The following FAM234A variants were observed in gnomAD, a reference collection of about 807,000 sequenced individuals.
The protein encoded by FAM234A is family with sequence similarity 234 member A.
Under a neutral mutation model 49.1 loss-of-function variants are expected in FAM234A, and 42 were observed. That is an observed-to-expected ratio of 0.86 (90% CI 0.67 to 1.11). FAM234A has a LOEUF of 1.11. FAM234A is among the 50% of genes least tolerant of loss of function. FAM234A has a pLI of 0.00. For missense variants in FAM234A, 815 were observed against 745.2 expected (o/e 1.09, Z -1.09); for synonymous variants, 369 against 316.2 (o/e 1.17, Z -1.77).
intron 3 of FAM234A, among the ~76,000 whole-genome samples, chr16:255,531 G>A (rs1322171976): frequency 6.6e-6 from 1 of 152,148 alleles, no homozygotes; most frequent in East Asian, 1.9e-4. Context: ...CTGTGATCGT[G>A]CCACTGCACT....
intron 1 of FAM234A, among the ~76,000 whole-genome samples, chr16:244,190 G>A (rs55985014): frequency 0.014 from 2,203 of 152,138 alleles, 47 homozygotes; most frequent in African/African-American, 0.048. Flanking sequence ...GGATGGTCTC[G>A]ATCTCCTGAC....
intron 3 of FAM234A, among the ~76,000 whole-genome samples, chr16:255,241 C>T (rs557060134): frequency 1.1e-4 from 16 of 152,194 alleles, no homozygotes; most frequent in Non-Finnish European, 2.1e-4. Flanking sequence ...CCTCCTCCCT[C>T]GGCCTCCCAA....
rs2051575439 is a variant in FAM234A, at chr16:263,697, C to T, written c.1113-3C>T. On this transcript the variant is annotated splice_region_variant and splice_polypyrimidine_tract_variant and intron_variant, in intron 9 of 12. Coordinates refer to ENST00000399932, the MANE Select transcript of FAM234A (RefSeq NM_032039.4). ...CGTGAGCGCTTCCTCCATATTGTTC[C>T]AGAAAACCCATCTTCGGCCGCTACA... is the stretch of plus-strand genomic sequence containing the variant. 1 of 1,612,840 alleles carries T rather than the reference C, an allele frequency of 6.2e-7. No individual in the cohort carries two copies.
At chr16:266,633 A>C (rs1221812373), downstream of FAM234A, among the ~76,000 whole-genome samples, 1 of 152,174 alleles carries the variant, frequency 6.6e-6, no homozygotes, top group East Asian at 1.9e-4. Flanking sequence ...ACACAGGTGT[A>C]ACCTTGTTCC....
At chr16:267,003 GC>G (rs1402753811), downstream of FAM234A, among the ~76,000 whole-genome samples, 1 of 152,130 alleles carries the variant, frequency 6.6e-6, no homozygotes, top group African/African-American at 2.4e-5. Context: ...ACCCTGAGAA[GC>G]CGGAGTTGAG....
downstream of FAM234A, among the ~76,000 whole-genome samples, chr16:266,861 T>C (rs739997): frequency 0.046 from 7,001 of 152,040 alleles, 560 homozygotes; most frequent in African/African-American, 0.16. Context: ...GAAGGTTCAC[T>C]GGGGTTGCAA....
intron 5 of FAM234A, 27 bp from the exon 6 acceptor site, chr16:261,357 G>A (rs376031368): frequency 1.0e-5 from 16 of 1,596,026 alleles, no homozygotes; most frequent in Admixed American, 6.7e-5. Flanking sequence ...TCAGGGCCAC[G>A]TTCCGTGACC....
downstream of FAM234A, chr16:269,486 G>T (rs766243099): frequency 6.2e-7 from 1 of 1,611,558 alleles, no homozygotes; most frequent in Non-Finnish European, 8.5e-7. Context: ...CGGCCACAGG[G>T]CACTGCCTGG....
At chr16:236,399 C>T (rs1023178657) in intron 1 of FAM234A, among the ~76,000 whole-genome samples, 13 of 151,586 alleles carry the variant, frequency 8.6e-5, no homozygotes, top group African/African-American at 1.9e-4. Context: ...TTGGGGTAGG[C>T]GGATCACTAG....
At chr16:268,672 G>C, downstream of FAM234A, 1 of 1,277,990 alleles carries the variant, frequency 7.8e-7, no homozygotes, top group Non-Finnish European at 1.1e-6. Context: ...CGCACCTGTG[G>C]ACAAATTCTG....
At chr16:249,924 A>G (rs13331259) in intron 2 of FAM234A, among the ~76,000 whole-genome samples, 4,266 of 151,968 alleles carry the variant, frequency 0.028, 273 homozygotes, top group African/African-American at 0.099. Flanking sequence ...AAAGGAATCT[A>G]TGTTTTATTT....
chr16:261,137 G>A (rs2051448336), intron 5 of FAM234A: 1 of 433,816 alleles, frequency 2.3e-6, no homozygotes, highest in South Asian at 3.0e-5. Context: ...GTCAGCGTTT[G>A]GCATATTGCC....
chr16:237,206 C>A (rs2050435301), intron 1 of FAM234A, among the ~76,000 whole-genome samples: 1 of 152,094 alleles, frequency 6.6e-6, no homozygotes, highest in Admixed American at 6.6e-5. Context: ...ATGCCCACCC[C>A]TTCTTTTTCT....
chr16:268,973 G>A, downstream of FAM234A: 1 of 1,538,880 alleles, frequency 6.5e-7, no homozygotes, highest in Non-Finnish European at 8.8e-7. Context: ...AGAAGGTGGA[G>A]CTCCCTGTGG....
chr16:263,426 C>T (rs775011274), intron 9 of FAM234A, 24 bp downstream of exon 9: 29 of 1,603,406 alleles, frequency 1.8e-5, no homozygotes, highest in East Asian at 8.9e-5. Flanking sequence ...CCAAGGACCG[C>T]GCAGGTGCTG....
intron 3 of FAM234A, among the ~76,000 whole-genome samples, chr16:257,396 C>G (rs1306018018): frequency 6.6e-6 from 1 of 151,614 alleles, no homozygotes; most frequent in Non-Finnish European, 1.5e-5. Context: ...CAGGTGCCCG[C>G]CTCCATGCCT....
intron 3 of FAM234A, among the ~76,000 whole-genome samples, chr16:258,155 A>ATTTTT (rs577801424): frequency 7.5e-6 from 1 of 134,082 alleles, no homozygotes. Flanking sequence ...CACCCGGCCT[A>ATTTTT]TTTTTTTTTT....
Position 265,173 on chromosome 16 carries a change from C to G in FAM234A, c.*151C>G. 2 of 1,427,470 alleles carry G rather than the reference C, an allele frequency of 1.4e-6. No homozygotes were observed. The highest frequency in any genetic ancestry group is 1.8e-6 in the Non-Finnish European group (2 of 1,094,442). 88.4% of individuals were successfully genotyped at this position (1,427,470 alleles called of 1,614,324 possible). ...GGCAGCAGCAGCCTTACCAGTCCTC[C>G]ATGATCACACCCAGGGACCTGCATG... On this transcript the variant is annotated 3_prime_UTR_variant, in exon 13 of 13. Transcript: ENST00000399932.
Position 254,551 on chromosome 16 carries a change from G to A in FAM234A, c.138G>A (p.Arg46=), listed in dbSNP as rs2051151123. Residue 46 remains arginine (R), a synonymous_variant, in exon 3 of 13, where the codon CGG becomes CGA. Coordinates refer to ENST00000399932, the MANE Select transcript of FAM234A (RefSeq NM_032039.4). ...KSAPPQSRLS[R]CRAAAFFLSL... ...CGCCTCCACAGTCCCGGCTCTCCCG[G>A]TGCCGAGCGGCGGCGTTTTTTCTTT... 1.2e-6 allele frequency: 2 copies of A among 1,614,104 alleles called. No individual in the cohort carries two copies. The highest frequency in any genetic ancestry group is 2.7e-5 in the African/African-American group (2 of 74,932).
Sources: allele counts gnomAD v4.1 joint callset (sites outside exome capture counted in the v4.1 genomes callset), GRCh38; gene constraint gnomAD v4.1.1; transcripts MANE v1.5; gene names NCBI Gene and HGNC (gene_info 2026-07-23, HGNC 2026-07-21).